Variants in AGAP1 observed in about 807,000 individuals in gnomAD.
The protein encoded by AGAP1 is ArfGAP with GTPase domain, ankyrin repeat and PH domain 1, also known as arf-GAP with GTPase, ANK repeat and PH domain-containing protein 1.
In AGAP1, 29 loss-of-function variants were observed where a neutral mutation model predicts 105.3. The ratio of observed to expected loss-of-function variants is 0.28; its 90% CI spans 0.21 to 0.38. The LOEUF (loss-of-function observed/expected upper bound fraction) is 0.38, where lower values mean the gene tolerates loss of function less well. AGAP1 is among the 10% of genes least tolerant of loss of function. The pLI, the probability that AGAP1 is intolerant of heterozygous loss-of-function variation, is 1.00. For missense variants in AGAP1, 998 were observed against 1,165.1 expected (o/e 0.86, Z 2.09); for synonymous variants, 509 against 485.9 (o/e 1.05, Z -0.63).
At chr2:235,925,664 A>C (rs1380771370) in intron 11 of AGAP1, among the ~76,000 whole-genome samples, 1 of 152,226 alleles carries the variant, frequency 6.6e-6, no homozygotes, top group Non-Finnish European at 1.5e-5. Context: ...TAATCAACAC[A>C]GTAGCAGCAG....
chr2:235,948,948 A>T (rs1266340549), intron 12 of AGAP1, among the ~76,000 whole-genome samples: 1 of 152,198 alleles, frequency 6.6e-6, no homozygotes, highest in Non-Finnish European at 1.5e-5. Context: ...GGAATTATTT[A>T]CAAACGCAGT....
In AGAP1 at chr2:235,960,621, G is replaced by A. The variant is rs1484692692; in HGVS notation, c.1484-7841G>A. 5.3e-5 allele frequency among the ~76,000 whole-genome samples: 8 copies of A among 152,176 alleles called. No homozygotes were observed. The highest frequency in any genetic ancestry group is 2.9e-5 in the Non-Finnish European group (2 of 68,026). Reference sequence around the variant, plus strand: ...ATTCCCCTCTTCCTTCTTTGTTCAGGTAGCAGGGCCCAAGAAAAATCGTCT... The same window carrying A: ...ATTCCCCTCTTCCTTCTTTGTTCAGATAGCAGGGCCCAAGAAAAATCGTCT... On this transcript the variant is annotated intron_variant, in intron 12 of 17. Transcript: ENST00000304032. This position sits in a 1 kb window ranked among gnomAD's most constrained non-coding sequence, Gnocchi z 4.9.
At chr2:235,818,793 C>T (rs1304057567) in intron 9 of AGAP1, among the ~76,000 whole-genome samples, 1 of 152,190 alleles carries the variant, frequency 6.6e-6, no homozygotes, top group Admixed American at 6.5e-5. Flanking sequence ...AGGCTGTTCT[C>T]GAACTCCTGA....
intron 8 of AGAP1, among the ~76,000 whole-genome samples, chr2:235,802,056 A>G (rs1957520500): frequency 6.6e-6 from 1 of 152,100 alleles, no homozygotes; most frequent in South Asian, 2.1e-4. Context: ...GAGAGAATCA[A>G]AATAACAGCC....
chr2:235,693,447 T>A (rs1220144065), intron 1 of AGAP1, among the ~76,000 whole-genome samples: 2 of 152,170 alleles, frequency 1.3e-5, no homozygotes, highest in African/African-American at 4.8e-5. Flanking sequence ...GGACTCAGCC[T>A]AGAGTGATCA....
rs2056203075 is a variant in AGAP1 at position 236,003,396 on chromosome 2, C to T, written c.1646-33165C>T. 6.6e-6 allele frequency among the ~76,000 whole-genome samples: 1 copy of T among 152,172 alleles called. No individual in the cohort carries two copies. Among genetic ancestry groups the T allele is most frequent in the Non-Finnish European group, 1.5e-5 (1 of 68,020 alleles). On this transcript the variant is annotated intron_variant, in intron 13 of 17. Coordinates refer to ENST00000304032, the MANE Select transcript of AGAP1 (RefSeq NM_001037131.3). This position sits in a 1 kb window ranked among gnomAD's most constrained non-coding sequence, Gnocchi z 4.2. Reference sequence around the variant, plus strand: ...TGTCCTTTGGAGGGCCTTGACCTCACGCAGCAGGGGAGGATGCTGGCCCAC... The same window carrying T: ...TGTCCTTTGGAGGGCCTTGACCTCATGCAGCAGGGGAGGATGCTGGCCCAC...
Position 235,799,611 on chromosome 2 carries a change from T to G in AGAP1, c.957+89T>G. On this transcript the variant is annotated intron_variant, in intron 8 of 17. Transcript: ENST00000304032. This position sits in a 1 kb window ranked among gnomAD's most constrained non-coding sequence, Gnocchi z 5.0. ...TGGTTGCCACATGGTTCAGTGGTAT[T>G]TGTAGAATCTCAACTATATTAAAGT... 7.1e-7 allele frequency: 1 copy of G among 1,404,222 alleles called. No homozygotes were observed. Among genetic ancestry groups the G allele is most frequent in the Non-Finnish European group, 9.8e-7 (1 of 1,021,862 alleles). 87.0% of individuals were successfully genotyped at this position (1,404,222 alleles called of 1,614,324 possible). A position where few individuals can be genotyped will look rare whatever the true frequency, so the allele number is the denominator to read the frequency against.
chr2:235,524,965 A>T (rs1942773677), intron 1 of AGAP1, among the ~76,000 whole-genome samples: 1 of 152,234 alleles, frequency 6.6e-6, no homozygotes. Context: ...AATTAAGAAA[A>T]GCTTTAAAAT....
chr2:235,578,547 C>G lies in AGAP1; in HGVS notation c.163+83698C>G, dbSNP rs1002531022. Among the ~76,000 whole-genome samples, 6 of 152,174 alleles carry G rather than the reference C, an allele frequency of 3.9e-5. No homozygotes were observed. Among genetic ancestry groups the G allele is most frequent in the Admixed American group, 3.3e-4 (5 of 15,280 alleles). On this transcript the variant is annotated intron_variant, in intron 1 of 17. Coordinates refer to ENST00000304032, the MANE Select transcript of AGAP1 (RefSeq NM_001037131.3). This position sits in a 1 kb window ranked among gnomAD's most constrained non-coding sequence, Gnocchi z 4.9. ...TATGCCACCCCAGCACTTTGGGAGG[C>G]TGAGGCAGGCGGATCACTTGAGGTC...
chr2:235,812,370 CG>C (rs1234833053), intron 9 of AGAP1, among the ~76,000 whole-genome samples: 1 of 152,140 alleles, frequency 6.6e-6, no homozygotes, highest in Non-Finnish European at 1.5e-5. Flanking sequence ...TGAAGCTGTG[CG>C]TGTTTTGATT....
rs374389868 is a variant in AGAP1 at position 235,731,466 on chromosome 2, CG to C, written c.311-9496del. On this transcript the variant is annotated intron_variant, in intron 3 of 17. Coordinates refer to ENST00000304032, the MANE Select transcript of AGAP1 (RefSeq NM_001037131.3). Reference sequence around the variant, plus strand: ...GGCTATTTTGATGTAAGGGAAAAGACGTATCCTGGATCTTCCAGAAAGCATG... The same window carrying C: ...GGCTATTTTGATGTAAGGGAAAAGACTATCCTGGATCTTCCAGAAAGCATG... Among the ~76,000 whole-genome samples the C allele has an allele frequency of 5.9e-5, 9 of 152,242 alleles. No homozygotes were observed. In the East Asian group the frequency reaches 1.5e-3, roughly 26 times the overall value.
rs73125508 is a variant in AGAP1, at chr2:236,046,945, T to A, written c.1892-2114T>A. On this transcript the variant is annotated intron_variant, in intron 15 of 17. Coordinates refer to ENST00000304032, the MANE Select transcript of AGAP1 (RefSeq NM_001037131.3). The surrounding 1 kb of genome is among the most constrained non-coding windows in gnomAD (Gnocchi z 5.2). ...CCCAGTGGTTGAAGCCTGGGCAACA[T>A]AGCAAGACCCCATCTGTGCAAAAAA... Among the ~76,000 whole-genome samples, 286 of 152,218 alleles carry A rather than the reference T, an allele frequency of 1.9e-3. 3 individuals carry two copies. Among genetic ancestry groups the A allele is most frequent in the African/African-American group, 6.5e-3 (272 of 41,540 alleles).
chr2:235,592,694 C>G (rs2149216043), intron 1 of AGAP1, among the ~76,000 whole-genome samples: 1 of 152,196 alleles, frequency 6.6e-6, no homozygotes, highest in Non-Finnish European at 1.5e-5. Flanking sequence ...GGATGTCGCA[C>G]ATGGAGATAT....
intron 1 of AGAP1, among the ~76,000 whole-genome samples, chr2:235,628,222 A>G (rs1452892136): frequency 2.6e-5 from 4 of 152,126 alleles, no homozygotes. Context: ...GCACCTGTGC[A>G]TTGCTGCCTA....
intron 9 of AGAP1, among the ~76,000 whole-genome samples, chr2:235,841,232 C>T (rs1012981758): frequency 2.6e-4 from 40 of 152,202 alleles, no homozygotes; most frequent in African/African-American, 9.2e-4. Flanking sequence ...GTTATCGATT[C>T]GCTTGGAATA....
chr2:235,626,957 C>T (rs28651885), intron 1 of AGAP1, among the ~76,000 whole-genome samples: 6,484 of 151,328 alleles, frequency 0.043, 396 homozygotes, highest in African/African-American at 0.14. Flanking sequence ...TTTTTGAAAT[C>T]CACTGATAGT....
rs188079017 is a variant in AGAP1 at position 235,664,581 on chromosome 2, A to G, written c.164-44598A>G. Among the ~76,000 whole-genome samples the G allele has an allele frequency of 2.6e-5, 4 of 152,218 alleles. No individual in the cohort carries two copies. Among genetic ancestry groups the G allele is most frequent in the Non-Finnish European group, 2.9e-5 (2 of 68,018 alleles). ...CAAGAAAAACTACCAAGAAATATCTAATATTTTCCTTTTGTTTGGGAATAA... is the reference window on the plus strand; with the variant it reads ...CAAGAAAAACTACCAAGAAATATCTGATATTTTCCTTTTGTTTGGGAATAA... On this transcript the variant is annotated intron_variant, in intron 1 of 17. Transcript: ENST00000304032. This position sits in a 1 kb window ranked among gnomAD's most constrained non-coding sequence, Gnocchi z 5.7.
intron 9 of AGAP1, among the ~76,000 whole-genome samples, chr2:235,861,379 G>T (rs1204481032): frequency 1.3e-5 from 2 of 152,156 alleles, no homozygotes; most frequent in Non-Finnish European, 2.9e-5. Context: ...CTTTCATCCA[G>T]ATTTTTGCAA....
intron 5 of AGAP1, among the ~76,000 whole-genome samples, chr2:235,745,650 G>A (rs562063960): frequency 4.0e-4 from 61 of 152,284 alleles, no homozygotes; most frequent in Middle Eastern, 6.8e-3. Context: ...ACTGTTTTGC[G>A]AATTCTTTTA....
Sources: allele counts gnomAD v4.1 joint callset (sites outside exome capture counted in the v4.1 genomes callset), GRCh38; gene constraint gnomAD v4.1.1; non-coding constraint Gnocchi (gnomAD v3.1); transcripts MANE v1.5; gene names NCBI Gene and HGNC (gene_info 2026-07-23, HGNC 2026-07-21).